Variants in BTG4 observed in about 807,000 individuals in gnomAD.
The protein encoded by BTG4 is BTG anti-proliferation factor 4.
In BTG4, 10 loss-of-function variants were observed where a neutral mutation model predicts 19.3. The observed-to-expected ratio is 0.52, with a 90% CI of 0.32 to 0.88. BTG4 has a LOEUF of 0.88. BTG4 is among the 40% of genes least tolerant of loss of function. The pLI is 0.04. For synonymous variants in BTG4, 91 were observed against 95.7 expected (o/e 0.95, Z 0.29); for missense variants, 238 against 281.9 (o/e 0.84, Z 1.11).
chr11:111,505,552 C>T (rs1009042536), intron 1 of BTG4, among the ~76,000 whole-genome samples: 1 of 151,966 alleles, frequency 6.6e-6, no homozygotes, highest in African/African-American at 2.4e-5. Flanking sequence ...AGGAAAACTC[C>T]TTATGGACAT....
intron 5 of BTG4, among the ~76,000 whole-genome samples, chr11:111,483,012 C>T (rs1327420448): frequency 6.6e-6 from 1 of 152,034 alleles, no homozygotes; most frequent in Non-Finnish European, 1.5e-5. Flanking sequence ...AGCAAGATGG[C>T]CTAATAGAAC....
Position 111,495,140 on chromosome 11 carries a change from G to A in BTG4, c.685C>T (p.Arg229Ter), listed in dbSNP as rs144985096. The A allele has an allele frequency of 2.2e-4, 335 of 1,541,834 alleles. 4 individuals are homozygous for A. In the East Asian group the frequency reaches 4.4e-3, roughly 20 times the overall value. Residue 229 changes from arginine to a stop codon, truncating the protein, a stop_gained, in exon 5 of 5, where the codon CGA (arginine) becomes TGA (stop). Transcript: ENST00000692032. LOFTEE classifies it high-confidence loss of function. ...LDRYHWVNTH[R>*] is the part of the protein sequence containing the mutation. ...CCACGTGCCCAGTCGCTGCGTCATCGGTGTGTGTTGACCCAGTGGTACCTG... is the reference window on the plus strand; with the variant it reads ...CCACGTGCCCAGTCGCTGCGTCATCAGTGTGTGTTGACCCAGTGGTACCTG...
rs1254789063 is a variant in BTG4 at position 111,498,713 on chromosome 11, G to T, written c.64C>A (p.Leu22Ile). ...VTRLVKKHDK[L>I]SKQQIEDFAE... ...AAGTCTTCTATTTGCTGTTTACTTA[G>T]TTTATCATGTTTTTTCACCAATCTT... Residue 22 changes from leucine (L) to isoleucine (I), a missense_variant, in exon 2 of 5, where the codon CTA (leucine) becomes ATA (isoleucine). Leu to Ile is a conservative substitution (Grantham distance 5). Coordinates refer to ENST00000692032, the MANE Select transcript of BTG4 (RefSeq NM_001367975.1). 6.2e-7 allele frequency: 1 copy of T among 1,613,136 alleles called. No homozygotes were observed. Among genetic ancestry groups the T allele is most frequent in the Non-Finnish European group, 8.5e-7 (1 of 1,179,672 alleles).
At chr11:111,420,634 A>G in the BTG4 span, among the ~76,000 whole-genome samples, 1 of 152,234 alleles carries the variant, frequency 6.6e-6, no homozygotes, top group African/African-American at 2.4e-5. Context: ...GGTAAGAACA[A>G]GAAACAGCAT....
intron 4 of BTG4, 135 bp from the exon 5 acceptor site, chr11:111,495,449 G>C (rs1865663718): frequency 5.7e-6 from 4 of 706,320 alleles, no homozygotes; most frequent in Non-Finnish European, 8.9e-6. Context: ...AACCATCTTT[G>C]AAAAAAATTT....
At chr11:111,426,614 C>T in the BTG4 span, among the ~76,000 whole-genome samples, 2 of 137,264 alleles carry the variant, frequency 1.5e-5, no homozygotes, top group Non-Finnish European at 3.3e-5. Context: ...GAGATCCTGA[C>T]TCCTCAGTTT....
chr11:111,409,615 T>A, the BTG4 span, among the ~76,000 whole-genome samples: 1 of 152,166 alleles, frequency 6.6e-6, no homozygotes, highest in African/African-American at 2.4e-5. Flanking sequence ...TGCAGAACCA[T>A]GAGCCAAAGA....
chr11:111,443,950 C>A, the BTG4 span, among the ~76,000 whole-genome samples: 1 of 152,202 alleles, frequency 6.6e-6, no homozygotes, highest in South Asian at 2.1e-4. Flanking sequence ...TGAGACAGCA[C>A]AACCACCTCT....
upstream of BTG4, chr11:111,514,616 A>C: frequency 1.6e-6 from 1 of 611,878 alleles, no homozygotes; most frequent in Non-Finnish European, 2.9e-6. Flanking sequence ...TGATCACCGC[A>C]GGGGTGGGCT....
chr11:111,449,971 G>C, the BTG4 span: 1 of 152,374 alleles, frequency 6.6e-6, no homozygotes, highest in Admixed American at 6.5e-5. Flanking sequence ...GAGCATGCAG[G>C]ACATGCCTAT....
At chr11:111,491,312 A>G (rs1278528996), downstream of BTG4, among the ~76,000 whole-genome samples, 1 of 152,226 alleles carries the variant, frequency 6.6e-6, no homozygotes, top group Non-Finnish European at 1.5e-5. Flanking sequence ...GACTGTAGCA[A>G]TGTCAATATC....
chr11:111,468,356 T>TGGGGTACTTTTG (rs1426865241), intron 5 of BTG4, among the ~76,000 whole-genome samples: 4 of 152,266 alleles, frequency 2.6e-5, no homozygotes, highest in Non-Finnish European at 5.9e-5. Flanking sequence ...CATGGTCTCA[T>TGGGGTACTTTTG]TTACGACTCA....
At chr11:111,394,225 G>T in the BTG4 span, among the ~76,000 whole-genome samples, 1 of 152,206 alleles carries the variant, frequency 6.6e-6, no homozygotes, top group Non-Finnish European at 1.5e-5. Flanking sequence ...GCGGTAGCCA[G>T]CCCATTCCTG....
chr11:111,484,566 C>A (rs1223413770), intron 5 of BTG4, among the ~76,000 whole-genome samples: 1 of 151,888 alleles, frequency 6.6e-6, no homozygotes, highest in African/African-American at 2.4e-5. Flanking sequence ...CAGTTGTCAC[C>A]ATTGTCACCA....
chr11:111,453,155 GCAAGGGATAAGAA>G, the BTG4 span, among the ~76,000 whole-genome samples: 1 of 152,184 alleles, frequency 6.6e-6, no homozygotes, highest in Non-Finnish European at 1.5e-5. Context: ...TAACCCCTAG[GCAAGGGATAAGAA>G]CTTTCAGCAA....
downstream of BTG4, among the ~76,000 whole-genome samples, chr11:111,465,813 G>A (rs35912212): frequency 0.074 from 11,235 of 152,166 alleles, 573 homozygotes; most frequent in Non-Finnish European, 0.11. Flanking sequence ...TGCTTCTACC[G>A]TGAGGAAAGG....
At chr11:111,405,307 G>A in the BTG4 span, among the ~76,000 whole-genome samples, 2 of 148,780 alleles carry the variant, frequency 1.3e-5, no homozygotes, top group African/African-American at 2.5e-5. Context: ...GGGAGGCTGA[G>A]GCAGGAGAAT....
At position 111,497,285 on chromosome 11, in the gene BTG4, AAGT is replaced by A; in HGVS notation, c.433_435del (p.Thr145del). The A allele has an allele frequency of 6.2e-7, 1 of 1,611,774 alleles. No individual in the cohort carries two copies. On this transcript the variant is annotated inframe_deletion, in exon 4 of 5. Coordinates refer to ENST00000692032, the MANE Select transcript of BTG4 (RefSeq NM_001367975.1). Reference sequence around the variant, plus strand: ...TTGCTACAACTTTCTTCATCGCAGGAAGTGCCAGAGGAAACGTCTGATGAGGCT... The same window carrying A: ...TTGCTACAACTTTCTTCATCGCAGGAGCCAGAGGAAACGTCTGATGAGGCT...
rs149334093 is a variant in BTG4 at position 111,471,212 on chromosome 11, A to G, written c.663-3531T>C. ...GAAAAAGAAGATAAGGAATTTGCCCAAAGTTATAAAGCTATTTGTAGTGGT... is the reference window on the plus strand; with the variant it reads ...GAAAAAGAAGATAAGGAATTTGCCCGAAGTTATAAAGCTATTTGTAGTGGT... On this transcript the variant is annotated intron_variant, in intron 5 of 5. Coordinates refer to the BTG4 transcript ENST00000356018. Among the ~76,000 whole-genome samples the G allele has an allele frequency of 5.7e-4, 87 of 152,326 alleles. 1 individual carries two copies. Among genetic ancestry groups the G allele is most frequent in the Non-Finnish European group, 9.1e-4 (62 of 68,020 alleles).
Sources: gnomAD v4.1 joint callset for allele counts (sites outside exome capture counted in the v4.1 genomes callset) on GRCh38, gnomAD v4.1.1 for gene constraint, MANE v1.5 for transcripts, NCBI Gene and HGNC (gene_info 2026-07-23, HGNC 2026-07-21) for gene names.